The following FSTL5 variants were observed in gnomAD, a reference collection of about 807,000 sequenced individuals.
The protein encoded by FSTL5 is follistatin-related protein 5.
Under a neutral mutation model 89.1 loss-of-function variants are expected in FSTL5, and 62 were observed. The ratio of observed to expected loss-of-function variants is 0.70; its 90% confidence interval spans 0.57 to 0.86. The LOEUF (loss-of-function observed/expected upper bound fraction) is 0.86. Ranked by LOEUF, FSTL5 falls within the 40% of genes least tolerant of loss-of-function variation. FSTL5 has a pLI of 0.00. For missense variants in FSTL5, 1,057 were observed against 1,001.6 expected, an observed-to-expected ratio of 1.06 and a Z score of -0.75; for synonymous variants, 383 against 346.2, an observed-to-expected ratio of 1.11 and a Z score of -1.18.
At position 161,535,269 on chromosome 4, in the gene FSTL5, GA is replaced by G. The variant is rs1318314540; in HGVS notation, c.1312+2896del. On this transcript the variant is annotated intron_variant, in intron 10 of 15. Transcript: ENST00000306100. ...ACTAAAGAGCTTCTGTACAGCAAAA[GA>G]AATTACTAACAAAGTAAACAGAAAG... is the stretch of plus-strand genomic sequence containing the variant. Among the ~76,000 whole-genome samples, 3 of 152,058 alleles carry G rather than the reference GA, an allele frequency of 2.0e-5. 1 individual carries two copies. The highest frequency in any genetic ancestry group is 1.5e-5 in the Non-Finnish European group (1 of 67,930).
intron 15 of FSTL5, among the ~76,000 whole-genome samples, chr4:161,391,564 T>A (rs1196986433): frequency 6.6e-6 from 1 of 152,174 alleles, no homozygotes; most frequent in Non-Finnish European, 1.5e-5. Flanking sequence ...TAAAGGAATT[T>A]ATATTTAGTT....
At chr4:162,039,741 G>A (rs1322467258) in intron 2 of FSTL5, among the ~76,000 whole-genome samples, 5 of 151,792 alleles carry the variant, frequency 3.3e-5, no homozygotes, top group South Asian at 4.1e-4. Context: ...CTGGTATATC[G>A]AATAAAGCCC....
intron 4 of FSTL5, among the ~76,000 whole-genome samples, chr4:161,843,553 G>C (rs911365656): frequency 2.0e-5 from 3 of 151,990 alleles, no homozygotes; most frequent in African/African-American, 7.3e-5. Context: ...ACGCTACAAG[G>C]CTGCAGTAAC....
rs551393450 is a variant in FSTL5 at position 162,057,875 on chromosome 4, C to T, written c.127-24217G>A. Among the ~76,000 whole-genome samples, 380 of 152,024 alleles carry T rather than the reference C, an allele frequency of 2.5e-3. 4 individuals carry two copies. The highest frequency in any genetic ancestry group is 0.023 in the South Asian group (112 of 4,812). On this transcript the variant is annotated intron_variant, in intron 2 of 15. Coordinates refer to ENST00000306100, the MANE Select transcript of FSTL5 (RefSeq NM_020116.5). ...AGGAGAACCACTTGAATCTGGGAGA[C>T]GGAGGTTGCAGTGAGCCGAGATCAC...
chr4:162,090,271 T>G (rs1730494412), intron 2 of FSTL5, among the ~76,000 whole-genome samples: 1 of 152,106 alleles, frequency 6.6e-6, no homozygotes, highest in Non-Finnish European at 1.5e-5. Context: ...GTTGTTTTTC[T>G]GCACAGCAAA....
At chr4:161,392,388 G>A (rs1730849984) in intron 15 of FSTL5, among the ~76,000 whole-genome samples, 1 of 152,012 alleles carries the variant, frequency 6.6e-6, no homozygotes, top group Non-Finnish European at 1.5e-5. Context: ...CACATGCCTT[G>A]CTAATTTTCG....
At chr4:161,971,381 T>G (rs1255188162) in intron 3 of FSTL5, among the ~76,000 whole-genome samples, 1 of 152,142 alleles carries the variant, frequency 6.6e-6, no homozygotes, top group African/African-American at 2.4e-5. Context: ...GAAGATGTTT[T>G]AAAAATTCAA....
At chr4:161,722,147 A>C (rs1579047812) in intron 6 of FSTL5, among the ~76,000 whole-genome samples, 1 of 152,292 alleles carries the variant, frequency 6.6e-6, no homozygotes, top group South Asian at 2.1e-4. Context: ...GTCTGGGATT[A>C]GTTCCCAGAA....
chr4:161,773,392 A>G (rs369417331), intron 5 of FSTL5, among the ~76,000 whole-genome samples: 1 of 152,266 alleles, frequency 6.6e-6, no homozygotes, highest in African/African-American at 2.4e-5. Context: ...GAAACAATCA[A>G]CAGAGTAAAC....
intron 6 of FSTL5, among the ~76,000 whole-genome samples, chr4:161,681,549 C>T (rs932969082): frequency 3.3e-5 from 5 of 151,988 alleles, no homozygotes; most frequent in African/African-American, 1.2e-4. Context: ...CTCCTAATAG[C>T]CCTGGCAATA....
chr4:161,506,670 G>C (rs1477111738), intron 11 of FSTL5, among the ~76,000 whole-genome samples: 1 of 151,984 alleles, frequency 6.6e-6, no homozygotes, highest in Non-Finnish European at 1.5e-5. Flanking sequence ...CATTTTTTGT[G>C]GGTAATGAAA....
At chr4:161,715,469 G>A (rs895038821) in intron 6 of FSTL5, among the ~76,000 whole-genome samples, 7 of 151,846 alleles carry the variant, frequency 4.6e-5, no homozygotes, top group African/African-American at 1.7e-4. Flanking sequence ...TCCTTTGCTG[G>A]GTGCTTTTCA....
intron 4 of FSTL5, among the ~76,000 whole-genome samples, chr4:161,851,658 C>T (rs1458776397): frequency 1.3e-5 from 2 of 151,956 alleles, no homozygotes; most frequent in Admixed American, 6.6e-5. Context: ...GGTTTAAACA[C>T]TATTAGAATA....
intron 14 of FSTL5, among the ~76,000 whole-genome samples, chr4:161,456,140 A>C (rs1733343715): frequency 6.6e-6 from 1 of 152,148 alleles, no homozygotes; most frequent in African/African-American, 2.4e-5. Context: ...CTTCTATTTC[A>C]AGTTATTTCC....
chr4:161,878,656 T>C (rs1173344426), intron 4 of FSTL5, among the ~76,000 whole-genome samples: 1 of 152,086 alleles, frequency 6.6e-6, no homozygotes, highest in Admixed American at 6.5e-5. Context: ...TAAGGTCTGA[T>C]TATGAATTGT....
At chr4:161,959,541 G>A (rs1735114395) in intron 3 of FSTL5, among the ~76,000 whole-genome samples, 1 of 151,984 alleles carries the variant, frequency 6.6e-6, no homozygotes, top group South Asian at 2.1e-4. Flanking sequence ...ACAGCTAATT[G>A]AGATAATGGT....
In FSTL5 at chr4:161,717,287, G is replaced by C. The variant is rs536640831; in HGVS notation, c.727+42124C>G. On this transcript the variant is annotated intron_variant, in intron 6 of 15. Coordinates refer to ENST00000306100, the MANE Select transcript of FSTL5 (RefSeq NM_020116.5). The stretch of plus-strand genomic sequence containing the variant: ...ATATTTAGACTGGGTGAAATACTTA[G>C]ACTGTGGAGCTCCCACATCTGAGTA... 2.6e-5 allele frequency among the ~76,000 whole-genome samples: 4 copies of C among 152,262 alleles called. No homozygotes were observed. In the South Asian group the frequency reaches 8.3e-4, roughly 32 times the overall value.
intron 4 of FSTL5, among the ~76,000 whole-genome samples, chr4:161,884,112 C>T (rs776117972): frequency 4.6e-5 from 7 of 151,838 alleles, no homozygotes; most frequent in Non-Finnish European, 1.0e-4. Flanking sequence ...GTCAGTGGCA[C>T]GATCTCAGCT....
chr4:161,541,305 G>GT (rs1731811509), intron 9 of FSTL5, among the ~76,000 whole-genome samples: 1 of 152,058 alleles, frequency 6.6e-6, no homozygotes, highest in South Asian at 2.1e-4. Flanking sequence ...AGTCTGGAGT[G>GT]TAACAACTTC....
Sources: allele counts gnomAD v4.1 joint callset (sites outside exome capture counted in the v4.1 genomes callset), GRCh38; gene constraint gnomAD v4.1.1; transcripts MANE v1.5; gene names NCBI Gene and HGNC (gene_info 2026-07-23, HGNC 2026-07-21).